The following FHIT variants were observed in gnomAD, a reference collection of about 807,000 sequenced individuals.
FHIT encodes the protein bis(5'-adenosyl)-triphosphatase.
A neutral mutation model predicts 17.9 loss-of-function variants in FHIT; 19 were observed. That is an observed-to-expected ratio of 1.06 (90% confidence interval 0.74 to 1.56). The LOEUF (loss-of-function observed/expected upper bound fraction) is 1.56, where lower values mean the gene tolerates loss of function less well. FHIT is among the 40% of genes most tolerant of loss of function. The pLI is 0.00. For missense variants in FHIT, 248 were observed against 189.2 expected (o/e 1.31, Z -1.82); for synonymous variants, 81 against 69.7 (o/e 1.16, Z -0.81).
chr3:60,173,614 GAGGCCT>G (rs1559698160), intron 5 of FHIT, among the ~76,000 whole-genome samples: 3 of 151,830 alleles, frequency 2.0e-5, no homozygotes, highest in Admixed American at 6.6e-5. Flanking sequence ...GTGGGAAGGT[GAGGCCT>G]AGGCAGGAGT....
chr3:60,072,162 A>C (rs1702803181), intron 5 of FHIT, among the ~76,000 whole-genome samples: 2 of 152,230 alleles, frequency 1.3e-5, no homozygotes, highest in African/African-American at 4.8e-5. Context: ...CCTTAGCCTG[A>C]TGACAACAGG....
At chr3:59,822,473 T>G (rs1227988541) in intron 8 of FHIT, among the ~76,000 whole-genome samples, 1 of 152,164 alleles carries the variant, frequency 6.6e-6, no homozygotes, top group Non-Finnish European at 1.5e-5. Context: ...CTTTCTGATT[T>G]TTTTTTATCA....
chr3:60,286,174 G>C (rs922928901), intron 5 of FHIT, among the ~76,000 whole-genome samples: 3 of 152,202 alleles, frequency 2.0e-5, no homozygotes, highest in Admixed American at 2.0e-4. Flanking sequence ...CCTCCTGATA[G>C]TGTATGACAA....
chr3:60,453,839 T>A (rs1339075432), intron 5 of FHIT, among the ~76,000 whole-genome samples: 1 of 152,130 alleles, frequency 6.6e-6, no homozygotes, highest in Non-Finnish European at 1.5e-5. Context: ...ATAAGCTATA[T>A]AAAGCATGCT....
rs576238456 is a variant in FHIT at position 60,861,284 on chromosome 3, T to G, written c.-110-39273A>C. 1.1e-4 allele frequency among the ~76,000 whole-genome samples: 12 copies of G among 113,026 alleles called. No individual in the cohort carries two copies. In the East Asian group the frequency reaches 3.3e-3, roughly 31 times the overall value. 74.1% of individuals were successfully genotyped at this position (113,026 alleles called of 152,430 possible). ...TATATCATATCATATATCTTTCTTT[T>G]TTTTTTCAGTTAAGCTACTGGGTTT... On this transcript the variant is annotated intron_variant, in intron 3 of 9. Transcript: ENST00000492590.
At chr3:60,270,818 G>C (rs550929752) in intron 5 of FHIT, among the ~76,000 whole-genome samples, 19 of 152,256 alleles carry the variant, frequency 1.2e-4, no homozygotes, top group African/African-American at 4.1e-4. Flanking sequence ...CCATGGGGAG[G>C]AACACCGGCA....
At chr3:59,818,468 C>G (rs1366334201) in intron 8 of FHIT, among the ~76,000 whole-genome samples, 1 of 152,090 alleles carries the variant, frequency 6.6e-6, no homozygotes, top group African/African-American at 2.4e-5. Flanking sequence ...GTGTTTTTTT[C>G]TCCTTAATCC....
chr3:60,768,614 T>C (rs1383601926), intron 4 of FHIT, among the ~76,000 whole-genome samples: 1 of 152,226 alleles, frequency 6.6e-6, no homozygotes, highest in South Asian at 2.1e-4. Flanking sequence ...ATTCAGTGAA[T>C]ACCAATGTGC....
chr3:59,997,445 G>T (rs1459498791), intron 7 of FHIT, among the ~76,000 whole-genome samples: 1 of 152,132 alleles, frequency 6.6e-6, no homozygotes. Flanking sequence ...TATAGCTGGG[G>T]TTATTCAACA....
At chr3:60,741,110 C>T (rs1435973612) in intron 4 of FHIT, among the ~76,000 whole-genome samples, 1 of 152,168 alleles carries the variant, frequency 6.6e-6, no homozygotes, top group African/African-American at 2.4e-5. Context: ...ATCAAAGTCA[C>T]GTACTTTTTA....
At position 60,371,842 on chromosome 3, in the gene FHIT, GTTTT is replaced by G. The variant is rs10576261; in HGVS notation, c.103+165014_103+165017del. Among the ~76,000 whole-genome samples, 4 of 143,016 alleles carry G rather than the reference GTTTT, an allele frequency of 2.8e-5. No homozygotes were observed. In the East Asian group the frequency reaches 6.1e-4, roughly 22 times the overall value. 93.8% of individuals were successfully genotyped at this position (143,016 alleles called of 152,430 possible). A position where few individuals can be genotyped will look rare whatever the true frequency, so the allele number is the denominator to read the frequency against. Reference sequence around the variant, plus strand: ...CCTCATTTTAGCAGATTTTTGTGGGGTTTTTTTTTTTTTTTTAGCTCAAAATGTT... The same window carrying G: ...CCTCATTTTAGCAGATTTTTGTGGGGTTTTTTTTTTTTAGCTCAAAATGTT... On this transcript the variant is annotated intron_variant, in intron 5 of 9. Coordinates refer to ENST00000492590, the MANE Select transcript of FHIT (RefSeq NM_002012.4).
At chr3:60,405,180 C>G (rs1372183532) in intron 5 of FHIT, among the ~76,000 whole-genome samples, 2 of 152,176 alleles carry the variant, frequency 1.3e-5, no homozygotes, top group African/African-American at 4.8e-5. Context: ...TCGGACTGGA[C>G]TGAGAATTTG....
chr3:60,814,925 C>A (rs1189991773), intron 4 of FHIT, among the ~76,000 whole-genome samples: 14 of 134,466 alleles, frequency 1.0e-4, no homozygotes, highest in East Asian at 2.3e-4. Flanking sequence ...TTTTTTTTTA[C>A]TTTAGCCATT....
chr3:60,038,503 G>A (rs212060), intron 5 of FHIT, among the ~76,000 whole-genome samples: 14,733 of 152,118 alleles, frequency 0.097, 908 homozygotes, highest in Non-Finnish European at 0.13. Flanking sequence ...TTGCTTGTAC[G>A]TTTGTCTTTA....
At chr3:60,196,039 C>A (rs577035004) in intron 5 of FHIT, among the ~76,000 whole-genome samples, 1 of 151,940 alleles carries the variant, frequency 6.6e-6, no homozygotes, top group African/African-American at 2.4e-5. Flanking sequence ...TTTGTTTAAA[C>A]GAAAAAAACT....
At chr3:60,684,924 G>A (rs1553697989) in intron 4 of FHIT, among the ~76,000 whole-genome samples, 1 of 152,072 alleles carries the variant, frequency 6.6e-6, no homozygotes, top group East Asian at 1.9e-4. Flanking sequence ...AAAAACAGCA[G>A]ATACAAAAAA....
intron 5 of FHIT, among the ~76,000 whole-genome samples, chr3:60,033,216 G>A (rs1294075943): frequency 3.3e-5 from 5 of 152,088 alleles, no homozygotes; most frequent in African/African-American, 9.7e-5. Context: ...ATGATAATGG[G>A]GCCAGGTGCA....
intron 4 of FHIT, among the ~76,000 whole-genome samples, chr3:60,702,768 C>G (rs967357044): frequency 6.6e-6 from 1 of 152,070 alleles, no homozygotes; most frequent in Non-Finnish European, 1.5e-5. Flanking sequence ...GTGCTAATAG[C>G]AAATATTCCT....
At chr3:60,158,697 GTGAC>G (rs1700812736) in intron 5 of FHIT, among the ~76,000 whole-genome samples, 1 of 152,156 alleles carries the variant, frequency 6.6e-6, no homozygotes. Context: ...GCTACTAAGA[GTGAC>G]TGCTACTTCA....
Sources: gnomAD v4.1 joint callset for allele counts (sites outside exome capture counted in the v4.1 genomes callset) on GRCh38, gnomAD v4.1.1 for gene constraint, MANE v1.5 for transcripts, NCBI Gene and HGNC (gene_info 2026-07-23, HGNC 2026-07-21) for gene names.